ARL6: variants seen among roughly 807,000 people sequenced by gnomAD.
ARL6 encodes the protein ADP-ribosylation factor-like protein 6.
A neutral mutation model predicts 27.1 loss-of-function variants in ARL6; 18 were observed. The ratio of observed to expected loss-of-function variants is 0.66; its 90% CI spans 0.46 to 0.98. ARL6 has a LOEUF of 0.98. Among genes scored for constraint, ARL6 ranks in the 50% least tolerant of loss-of-function variants. The pLI is 0.00. For missense variants in ARL6, 187 were observed against 214.9 expected, an observed-to-expected ratio of 0.87 and a Z score of 0.81; for synonymous variants, 65 against 72.3, an observed-to-expected ratio of 0.90 and a Z score of 0.51.
intron 2 of ARL6, among the ~76,000 whole-genome samples, chr3:97,771,591 G>A (rs902906241): frequency 6.7e-6 from 1 of 148,600 alleles, no homozygotes; most frequent in East Asian, 1.9e-4. Context: ...CTTGATCCAG[G>A]TTTAGAGGAA....
chr3:97,792,431 C>T (rs1237611119), intron 7 of ARL6, among the ~76,000 whole-genome samples: 1 of 151,908 alleles, frequency 6.6e-6, no homozygotes, highest in South Asian at 2.1e-4. Flanking sequence ...TGCAGTGAGC[C>T]GAGATTGCGC....
At chr3:97,766,413 C>G (rs1176519178) in intron 1 of ARL6, among the ~76,000 whole-genome samples, 2 of 152,104 alleles carry the variant, frequency 1.3e-5, no homozygotes, top group African/African-American at 4.8e-5. Context: ...ATCTCTGATA[C>G]AAGGAGAAAA....
chr3:97,780,016 T>C (rs1184468972), intron 2 of ARL6, 143 bp from the exon 3 acceptor site: 2 of 677,422 alleles, frequency 3.0e-6, no homozygotes, highest in African/African-American at 3.6e-5. Flanking sequence ...AGAGTGATCC[T>C]ATTGAAAAAA....
In ARL6 at chr3:97,800,844, T is replaced by G. The variant is rs1028334510; in HGVS notation, c.*2795T>G. 11 of 152,182 alleles carry G rather than the reference T, an allele frequency of 7.2e-5. No individual in the cohort carries two copies. The highest frequency in any genetic ancestry group is 2.7e-4 in the African/African-American group (11 of 41,440). 9.4% of individuals were successfully genotyped at this position (152,182 alleles called of 1,614,324 possible). On this transcript the variant is annotated 3_prime_UTR_variant, in exon 8 of 8. Coordinates refer to ENST00000463745, the MANE Select transcript of ARL6 (RefSeq NM_001278293.3). ...GAGCCGTCTTGGTTGCAGACTGCCA[T>G]CTTCTTGTATCCTCACATGGCCAAA...
chr3:97,774,365 G>GCTTC (rs200582166), intron 2 of ARL6, among the ~76,000 whole-genome samples: 5,853 of 152,156 alleles, frequency 0.038, 208 homozygotes, highest in African/African-American at 0.095. Context: ...GCAGGCGGGG[G>GCTTC]TATTGAGGGT....
chr3:97,790,051 TTGTGTGTG>T lies in ARL6; in HGVS notation c.480-1687_480-1680del, dbSNP rs3058067. 2.2e-3 allele frequency among the ~76,000 whole-genome samples: 296 copies of T among 137,152 alleles called. No homozygotes were observed. In the Middle Eastern group the frequency reaches 0.026, roughly 12 times the overall value. 90.0% of individuals were successfully genotyped at this position (137,152 alleles called of 152,430 possible). On this transcript the variant is annotated intron_variant, in intron 6 of 7. Transcript: ENST00000463745. ...TTTGACTCAATCCCTGGCATCATGATTGTGTGTGTGTGTGTGTGTGTGTGTGTGTGTGT... is the reference window on the plus strand; with the variant it reads ...TTTGACTCAATCCCTGGCATCATGATTGTGTGTGTGTGTGTGTGTGTGTGT...
At position 97,764,773 on chromosome 3, in the gene ARL6, C is replaced by T. The variant is rs1181739157; in HGVS notation, c.-232C>T. On this transcript the variant is annotated 5_prime_UTR_variant, in exon 1 of 8. Coordinates refer to ENST00000463745, the MANE Select transcript of ARL6 (RefSeq NM_001278293.3). ...GGTGCCTGCCAAGGCGCCTGCTCAG[C>T]GACTGATGCACAGACTGCTGCAGAG... 7 of 152,266 alleles carry T rather than the reference C, an allele frequency of 4.6e-5. No individual in the cohort carries two copies. The highest frequency in any genetic ancestry group is 7.2e-5 in the African/African-American group (3 of 41,460). 9.4% of individuals were successfully genotyped at this position (152,266 alleles called of 1,614,324 possible).
At chr3:97,770,702 G>A (rs1014873910) in intron 2 of ARL6, among the ~76,000 whole-genome samples, 1 of 152,034 alleles carries the variant, frequency 6.6e-6, no homozygotes, top group Non-Finnish European at 1.5e-5. Flanking sequence ...GTTGACTTTT[G>A]TATATGGTGG....
At chr3:97,783,355 T>G (rs2037293485) in intron 4 of ARL6, among the ~76,000 whole-genome samples, 1 of 151,792 alleles carries the variant, frequency 6.6e-6, no homozygotes, top group East Asian at 1.9e-4. Context: ...TAAGGGTAAA[T>G]CAGGAAAAAC....
At chr3:97,772,765 G>A (rs2036702948) in intron 2 of ARL6, among the ~76,000 whole-genome samples, 1 of 151,740 alleles carries the variant, frequency 6.6e-6, no homozygotes, top group Admixed American at 6.6e-5. Flanking sequence ...GGGATTATAG[G>A]CATGCACCAC....
At chr3:97,780,020 GA>G (rs2108031247) in intron 2 of ARL6, 138 bp from the exon 3 acceptor site, 2 of 697,066 alleles carry the variant, frequency 2.9e-6, no homozygotes, top group East Asian at 5.4e-5. Context: ...TGATCCTATT[GA>G]AAAAATTATA....
In ARL6 at chr3:97,780,188, A is replaced by G. The variant is rs770485234; in HGVS notation, c.153A>G (p.Ile51Met). 2.2e-5 allele frequency: 35 copies of G among 1,613,108 alleles called. 1 individual carries two copies. Residue 51 changes from isoleucine (I) to methionine (M), a missense_variant, in exon 3 of 8, where the codon ATA (isoleucine) becomes ATG (methionine). Coordinates refer to ENST00000463745, the MANE Select transcript of ARL6 (RefSeq NM_001278293.3). ...NAQSQNILPT[I>M]GFSIEKFKSS... is the part of the protein sequence containing the mutation. ...AATCTCAAAATATCCTTCCAACAAT[A>G]GGATTCAGCATAGAGAAATTCAAAT...
chr3:97,768,300 A>G (rs2036480780), intron 2 of ARL6, 70 bp downstream of exon 2: 1 of 1,531,196 alleles, frequency 6.5e-7, no homozygotes, highest in Admixed American at 1.8e-5. Flanking sequence ...GAATTATGTT[A>G]TATGACGTTA....
chr3:97,786,395 G>A (rs2037460758), intron 5 of ARL6, among the ~76,000 whole-genome samples: 1 of 151,732 alleles, frequency 6.6e-6, no homozygotes, highest in African/African-American at 2.4e-5. Context: ...TTTTGATTAT[G>A]TCTTCCTTTC....
In ARL6 at chr3:97,771,072, T is replaced by C. The variant is rs574723493; in HGVS notation, c.123+2842T>C. Among the ~76,000 whole-genome samples, 102 of 152,198 alleles carry C rather than the reference T, an allele frequency of 6.7e-4. No homozygotes were observed. In the South Asian group the frequency reaches 7.5e-3, roughly 11 times the overall value. Reference sequence around the variant, plus strand: ...TCTGTGAATGTTATTGGTATTTTGATAGGGATTGCATTGACTCTGTTAATC... The same window carrying C: ...TCTGTGAATGTTATTGGTATTTTGACAGGGATTGCATTGACTCTGTTAATC... On this transcript the variant is annotated intron_variant, in intron 2 of 7. Transcript: ENST00000463745.
chr3:97,794,192 T>TGA (rs1326398556), intron 7 of ARL6, among the ~76,000 whole-genome samples: 1 of 150,702 alleles, frequency 6.6e-6, no homozygotes, highest in Non-Finnish European at 1.5e-5. Context: ...TGTGTGTGTG[T>TGA]GTGTGTGTGT....
intron 2 of ARL6, among the ~76,000 whole-genome samples, chr3:97,775,566 C>T (rs1396246950): frequency 1.3e-5 from 2 of 152,098 alleles, no homozygotes; most frequent in East Asian, 3.9e-4. Context: ...AAATGTTAAT[C>T]TCCTTTAGCA....
At chr3:97,788,531 T>G (rs546466280) in intron 6 of ARL6, among the ~76,000 whole-genome samples, 1 of 152,254 alleles carries the variant, frequency 6.6e-6, no homozygotes, top group Admixed American at 6.5e-5. Context: ...ACTGCTTTTT[T>G]TTTTGTTTAT....
rs1284064757 is a variant in ARL6 at position 97,798,711 on chromosome 3, T to C, written c.*662T>C. The C allele has an allele frequency of 6.6e-6, 1 of 152,146 alleles. No individual in the cohort carries two copies. Among genetic ancestry groups the C allele is most frequent in the Non-Finnish European group, 1.5e-5 (1 of 67,982 alleles). The allele number at this position is 152,146 out of a possible 1,614,324, so 9.4% of individuals were successfully genotyped here. ...CAGACATAGTCCTAGGCAATGATGTTACGAGGTAAATAAGACATATCCTTA... is the reference window on the plus strand; with the variant it reads ...CAGACATAGTCCTAGGCAATGATGTCACGAGGTAAATAAGACATATCCTTA... On this transcript the variant is annotated 3_prime_UTR_variant, in exon 8 of 8. Transcript: ENST00000463745.
Sources: gnomAD v4.1 joint callset for allele counts (sites outside exome capture counted in the v4.1 genomes callset) on GRCh38, gnomAD v4.1.1 for gene constraint, MANE v1.5 for transcripts, NCBI Gene and HGNC (gene_info 2026-07-23, HGNC 2026-07-21) for gene names.